SPAG16: variants seen among roughly 807,000 people sequenced by gnomAD.
SPAG16 encodes sperm associated antigen 16, also known as sperm-associated antigen 16 protein.
A neutral mutation model predicts 80.4 loss-of-function variants in SPAG16; 86 were observed. That is an observed-to-expected ratio of 1.07 (90% CI 0.90 to 1.28). SPAG16 has a LOEUF of 1.28. SPAG16 is among the 50% of genes most tolerant of loss of function. The pLI, the probability that SPAG16 is intolerant of heterozygous loss-of-function variation, is 0.00. For missense variants in SPAG16, 870 were observed against 765.3 expected (o/e 1.14, Z -1.61); for synonymous variants, 294 against 265.9 (o/e 1.11, Z -1.03).
At chr2:213,331,787 A>G (rs576267483) in intron 5 of SPAG16, among the ~76,000 whole-genome samples, 2 of 152,340 alleles carry the variant, frequency 1.3e-5, no homozygotes, top group East Asian at 3.9e-4. Context: ...TGACCAGTGG[A>G]TCAGTGAAGG....
chr2:213,805,161 G>T (rs1162749403), intron 10 of SPAG16, among the ~76,000 whole-genome samples: 2 of 152,120 alleles, frequency 1.3e-5, no homozygotes, highest in Non-Finnish European at 2.9e-5. Flanking sequence ...TCCTGACCTG[G>T]GGCTTCTCCC....
chr2:214,289,143 G>A (rs770244377), intron 15 of SPAG16, among the ~76,000 whole-genome samples: 2 of 152,130 alleles, frequency 1.3e-5, no homozygotes, highest in Non-Finnish European at 2.9e-5. Flanking sequence ...TCAGATATTA[G>A]CCTCTTGTTG....
At chr2:213,564,738 G>A (rs965668334) in intron 10 of SPAG16, among the ~76,000 whole-genome samples, 4 of 152,032 alleles carry the variant, frequency 2.6e-5, no homozygotes, top group African/African-American at 4.8e-5. Flanking sequence ...AGTACTTAAC[G>A]TTCATTAACT....
chr2:213,995,238 A>C (rs1277876275), intron 12 of SPAG16, among the ~76,000 whole-genome samples: 1 of 152,182 alleles, frequency 6.6e-6, no homozygotes, highest in Non-Finnish European at 1.5e-5. Context: ...GGGCTTAGTG[A>C]GTATCATGGA....
Position 214,129,556 on chromosome 2 carries a change from G to A in SPAG16, c.1594-19584G>A, listed in dbSNP as rs147820132. The stretch of plus-strand genomic sequence containing the variant: ...AGATTTCACCAGAAGATATGCAATT[G>A]TAATAATAATAGCATTATTTTTAAC... On this transcript the variant is annotated intron_variant, in intron 14 of 15. Transcript: ENST00000331683. 6.1e-3 allele frequency among the ~76,000 whole-genome samples: 935 copies of A among 152,158 alleles called. 10 individuals carry two copies. Among genetic ancestry groups the A allele is most frequent in the African/African-American group, 0.021 (880 of 41,516 alleles).
intron 11 of SPAG16, among the ~76,000 whole-genome samples, chr2:213,876,369 C>A (rs527867074): frequency 2.0e-5 from 3 of 150,394 alleles, no homozygotes; most frequent in Non-Finnish European, 3.0e-5. Context: ...GAATCCTTAT[C>A]TTGGCTGTTA....
At chr2:214,064,411 T>C (rs150559685) in intron 13 of SPAG16, among the ~76,000 whole-genome samples, 1 of 152,246 alleles carries the variant, frequency 6.6e-6, no homozygotes, top group African/African-American at 2.4e-5. Flanking sequence ...AAAAATTAAC[T>C]CATTTAGGGT....
intron 10 of SPAG16, among the ~76,000 whole-genome samples, chr2:213,692,788 T>G: frequency 7.2e-6 from 1 of 138,286 alleles, no homozygotes; most frequent in Non-Finnish European, 1.5e-5. Context: ...CCACCCTGGG[T>G]GAAAGTGCGA....
chr2:214,052,945 A>G (rs2049738002), intron 13 of SPAG16, among the ~76,000 whole-genome samples: 3 of 152,224 alleles, frequency 2.0e-5, no homozygotes, highest in African/African-American at 7.2e-5. Flanking sequence ...CGTCTTCTCT[A>G]GAAATGACAG....
At chr2:213,845,869 A>G (rs2074596122) in intron 10 of SPAG16, among the ~76,000 whole-genome samples, 1 of 152,228 alleles carries the variant, frequency 6.6e-6, no homozygotes, top group South Asian at 2.1e-4. Context: ...AAATCAGGAC[A>G]TTTTTACTCT....
At chr2:213,601,902 G>A (rs1297865930) in intron 10 of SPAG16, among the ~76,000 whole-genome samples, 1 of 152,194 alleles carries the variant, frequency 6.6e-6, no homozygotes, top group East Asian at 1.9e-4. Context: ...ATGAACCAGG[G>A]TCAGGGTGGG....
intron 12 of SPAG16, among the ~76,000 whole-genome samples, chr2:213,933,840 T>C (rs1187579225): frequency 6.6e-6 from 1 of 152,204 alleles, no homozygotes; most frequent in Non-Finnish European, 1.5e-5. Context: ...TGGCATTGCG[T>C]TGCCTGGAAG....
chr2:213,593,003 C>T (rs990171419), intron 10 of SPAG16, among the ~76,000 whole-genome samples: 1 of 152,064 alleles, frequency 6.6e-6, no homozygotes, highest in Non-Finnish European at 1.5e-5. Context: ...CCACCAACAC[C>T]ACCATGTTTT....
intron 15 of SPAG16, among the ~76,000 whole-genome samples, chr2:214,329,925 A>T (rs1696783218): frequency 6.6e-6 from 1 of 152,104 alleles, no homozygotes; most frequent in African/African-American, 2.4e-5. Context: ...ATTAGAGAGA[A>T]AAAGAAGGGA....
chr2:213,289,855 G>T (rs2126051918), intron 1 of SPAG16, among the ~76,000 whole-genome samples: 1 of 152,304 alleles, frequency 6.6e-6, no homozygotes, highest in East Asian at 1.9e-4. Flanking sequence ...GCTACTGCTG[G>T]CAGTAAACAC....
rs2063435420 is a variant in SPAG16 at position 213,317,241 on chromosome 2, G to A, written c.421G>A (p.Val141Met). 1.9e-6 allele frequency: 3 copies of A among 1,601,846 alleles called. No homozygotes were observed. The African/African-American group carries it at 4.0e-5, about 22-fold the overall frequency. Residue 141 changes from valine (V) to methionine (M), a missense_variant, in exon 5 of 16, where the codon GTG (valine) becomes ATG (methionine). Transcript: ENST00000331683. ...TAGGTATGAGTTAATACAGAAAGGA[G>A]TGACTGAACTTAGAACTGTTGGGAA... ...SEWYELIQKG[V>M]TELRTVGNVP...
chr2:213,842,689 A>G (rs114508474), intron 10 of SPAG16, among the ~76,000 whole-genome samples: 2,257 of 152,288 alleles, frequency 0.015, 29 homozygotes, highest in Middle Eastern at 0.072. Flanking sequence ...TTGTCCTTGG[A>G]TGTAAGTTTT....
rs77249052 is a variant in SPAG16, at chr2:214,359,113, A to G, written c.1721-51027A>G. On this transcript the variant is annotated intron_variant, in intron 15 of 15. Transcript: ENST00000331683. ...TTTATAGAGAATAATAACAGCAACA[A>G]TAGTAATAGTAATAAGAGCTAATAT... Among the ~76,000 whole-genome samples, 53 of 152,026 alleles carry G rather than the reference A, an allele frequency of 3.5e-4. 3 individuals carry two copies. The East Asian group carries it at 0.01, about 29-fold the overall frequency.
At chr2:213,645,172 A>G (rs748528059) in intron 10 of SPAG16, among the ~76,000 whole-genome samples, 12 of 152,172 alleles carry the variant, frequency 7.9e-5, no homozygotes, top group Non-Finnish European at 1.3e-4. Context: ...CTACAAGCCA[A>G]TGTTTCCTTA....
Sources: allele counts gnomAD v4.1 joint callset (sites outside exome capture counted in the v4.1 genomes callset), GRCh38; gene constraint gnomAD v4.1.1; transcripts MANE v1.5; gene names NCBI Gene and HGNC (gene_info 2026-07-23, HGNC 2026-07-21).